The following IQCM variants were observed in gnomAD, a reference collection of about 807,000 sequenced individuals.
The protein encoded by IQCM is IQ motif containing M.
A neutral mutation model predicts 57.6 loss-of-function variants in IQCM; 45 were observed. The observed-to-expected ratio is 0.78, with a 90% CI of 0.62 to 1.00. IQCM has a LOEUF of 1.00. Among genes scored for constraint, IQCM ranks in the 50% least tolerant of loss-of-function variants. The probability of loss-of-function intolerance (pLI) is 0.00; values close to 1 mark genes in which losing one functional copy is unlikely to be tolerated. For missense variants in IQCM, 468 were observed against 511.6 expected, an observed-to-expected ratio of 0.91 and a Z score of 0.82; for synonymous variants, 148 against 158.9, an observed-to-expected ratio of 0.93 and a Z score of 0.51.
intron 10 of IQCM, among the ~76,000 whole-genome samples, chr4:149,557,226 C>A (rs1459196538): frequency 1.3e-5 from 2 of 151,982 alleles, no homozygotes; most frequent in Admixed American, 6.6e-5. Flanking sequence ...TCATGTTGAG[C>A]CTGATCTGAG....
At chr4:149,633,146 C>T (rs1340460607) in intron 7 of IQCM, among the ~76,000 whole-genome samples, 1 of 115,124 alleles carries the variant, frequency 8.7e-6, no homozygotes, top group Non-Finnish European at 1.6e-5. Context: ...CCAGCCTGGG[C>T]GACAGAGCGA....
At chr4:149,408,072 C>T (rs1733109415) in intron 13 of IQCM, among the ~76,000 whole-genome samples, 1 of 152,054 alleles carries the variant, frequency 6.6e-6, no homozygotes, top group South Asian at 2.1e-4. Context: ...ATTTGCATTT[C>T]TCTGATGATT....
chr4:149,774,195 AT>A (rs1219258784), intron 2 of IQCM, among the ~76,000 whole-genome samples: 9 of 151,968 alleles, frequency 5.9e-5, no homozygotes, highest in Non-Finnish European at 1.0e-4. Flanking sequence ...GTAAAAAAAA[AT>A]TTTTTTTATT....
intron 5 of IQCM, among the ~76,000 whole-genome samples, chr4:149,728,590 GGGA>G (rs1449269535): frequency 6.6e-6 from 1 of 152,142 alleles, no homozygotes; most frequent in Non-Finnish European, 1.5e-5. Context: ...GAGCCACATT[GGGA>G]GGAGAACACA....
chr4:149,566,390 G>A (rs1750635509), intron 9 of IQCM, among the ~76,000 whole-genome samples: 1 of 152,136 alleles, frequency 6.6e-6, no homozygotes, highest in African/African-American at 2.4e-5. Context: ...TATGTAATGT[G>A]TACTATTGAA....
intron 2 of IQCM, among the ~76,000 whole-genome samples, chr4:149,775,187 G>T (rs10022391): frequency 0.32 from 47,991 of 151,812 alleles, 9,474 homozygotes; most frequent in African/African-American, 0.53. Context: ...ATAGATTTCT[G>T]GATTACTCAT....
At chr4:149,426,184 G>T (rs746505947) in intron 13 of IQCM, among the ~76,000 whole-genome samples, 1 of 151,898 alleles carries the variant, frequency 6.6e-6, no homozygotes, top group African/African-American at 2.4e-5. Flanking sequence ...TCTCAGAACC[G>T]GTTTTAAATA....
At chr4:149,559,289 C>T (rs997777381) in intron 10 of IQCM, among the ~76,000 whole-genome samples, 1 of 152,192 alleles carries the variant, frequency 6.6e-6, no homozygotes, top group Non-Finnish European at 1.5e-5. Context: ...ATTTTAAAGG[C>T]ATCCGTTCTC....
chr4:149,809,722 C>A (rs568162742), intron 2 of IQCM, among the ~76,000 whole-genome samples: 1 of 152,114 alleles, frequency 6.6e-6, no homozygotes. Context: ...CATGTAATCA[C>A]CAAATGATGC....
At chr4:149,731,157 G>A (rs1766420456) in intron 5 of IQCM, among the ~76,000 whole-genome samples, 1 of 152,092 alleles carries the variant, frequency 6.6e-6, no homozygotes, top group Admixed American at 6.5e-5. Flanking sequence ...TATTCATGTT[G>A]GAACCTAAGA....
chr4:149,753,128 A>T (rs1458625234), intron 2 of IQCM, among the ~76,000 whole-genome samples: 2 of 152,204 alleles, frequency 1.3e-5, no homozygotes, highest in Admixed American at 6.5e-5. Context: ...ATAAGCCTGA[A>T]AATTATTATG....
chr4:149,672,067 A>C (rs1344205557), intron 7 of IQCM, among the ~76,000 whole-genome samples: 2 of 152,124 alleles, frequency 1.3e-5, no homozygotes, highest in Admixed American at 6.6e-5. Flanking sequence ...GTCCTGACTT[A>C]GAAGGAAAAC....
chr4:149,450,852 A>C (rs893245666), intron 12 of IQCM, among the ~76,000 whole-genome samples: 1 of 151,772 alleles, frequency 6.6e-6, no homozygotes, highest in Non-Finnish European at 1.5e-5. Flanking sequence ...TAGCAATCCC[A>C]CTGCTGGGTA....
At chr4:149,574,852 G>A (rs751151978) in intron 9 of IQCM, among the ~76,000 whole-genome samples, 4 of 151,892 alleles carry the variant, frequency 2.6e-5, no homozygotes, top group South Asian at 2.1e-4. Flanking sequence ...TACTTATTTC[G>A]GCTGTTGTAA....
chr4:149,562,054 AG>A (rs1750176007), intron 10 of IQCM, among the ~76,000 whole-genome samples: 1 of 152,220 alleles, frequency 6.6e-6, no homozygotes, highest in Admixed American at 6.5e-5. Flanking sequence ...AGAATGTGTC[AG>A]GGGGTATCAT....
chr4:149,510,836 G>A (rs1184457217), intron 12 of IQCM, among the ~76,000 whole-genome samples: 7 of 152,182 alleles, frequency 4.6e-5, no homozygotes, highest in Non-Finnish European at 1.0e-4. Flanking sequence ...ATATCAGGCA[G>A]TACCTGCTAT....
intron 4 of IQCM, among the ~76,000 whole-genome samples, chr4:149,735,054 T>C (rs1766807757): frequency 6.6e-6 from 1 of 152,206 alleles, no homozygotes; most frequent in South Asian, 2.1e-4. Context: ...TAGCTTCGAC[T>C]AAACAGCATT....
intron 12 of IQCM, among the ~76,000 whole-genome samples, chr4:149,436,338 A>C (rs919459965): frequency 6.6e-6 from 1 of 152,150 alleles, no homozygotes; most frequent in Admixed American, 6.6e-5. Flanking sequence ...TAGAACTGCC[A>C]CTTTCTCCCA....
At chr4:149,711,566 T>C (rs1764561383) in intron 5 of IQCM, among the ~76,000 whole-genome samples, 1 of 152,200 alleles carries the variant, frequency 6.6e-6, no homozygotes, top group African/African-American at 2.4e-5. Flanking sequence ...TTTTAGCTGC[T>C]CTGTCCTATT....
Sources: allele counts gnomAD v4.1 joint callset (sites outside exome capture counted in the v4.1 genomes callset), GRCh38; gene constraint gnomAD v4.1.1; transcripts MANE v1.5; gene names NCBI Gene and HGNC (gene_info 2026-07-23, HGNC 2026-07-21).